CNTNAP5: variants seen among roughly 807,000 people sequenced by gnomAD.
The protein encoded by CNTNAP5 is contactin-associated protein-like 5.
In CNTNAP5, 72 loss-of-function variants were observed where a neutral mutation model predicts 150.2. The ratio of observed to expected loss-of-function variants is 0.48; its 90% CI spans 0.40 to 0.58. CNTNAP5 has a LOEUF of 0.58. Among genes scored for constraint, CNTNAP5 ranks in the 20% least tolerant of loss-of-function variants. CNTNAP5 has a pLI of 0.00. For missense variants in CNTNAP5, 1,636 were observed against 1,626.2 expected, an observed-to-expected ratio of 1.01 and a Z score of -0.10; for synonymous variants, 672 against 619.8, an observed-to-expected ratio of 1.08 and a Z score of -1.25.
chr2:124,674,546 T>TCTTCCTTTCTTCCTTTCTTC (rs1553430202), intron 13 of CNTNAP5, among the ~76,000 whole-genome samples: 3 of 130,224 alleles, frequency 2.3e-5, no homozygotes, highest in African/African-American at 9.1e-5. Flanking sequence ...TTTCTTTCTT[T>TCTTCCTTTCTTCCTTTCTTC]CTTTCTTCCT....
intron 10 of CNTNAP5, among the ~76,000 whole-genome samples, chr2:124,559,752 T>C (rs1004972667): frequency 6.6e-6 from 1 of 152,184 alleles, no homozygotes; most frequent in African/African-American, 2.4e-5. Context: ...GATTAAAGAA[T>C]GTGGAAATTA....
At chr2:124,062,579 AG>A (rs1191470098) in intron 1 of CNTNAP5, among the ~76,000 whole-genome samples, 2 of 152,140 alleles carry the variant, frequency 1.3e-5, no homozygotes, top group Non-Finnish European at 2.9e-5. Context: ...CCCCTACTCT[AG>A]TACCTATTAC....
At chr2:124,491,263 C>T (rs149417261) in intron 7 of CNTNAP5, among the ~76,000 whole-genome samples, 1 of 152,228 alleles carries the variant, frequency 6.6e-6, no homozygotes, top group African/African-American at 2.4e-5. Flanking sequence ...TTCTCTGCTC[C>T]TGTGAGCTTG....
chr2:124,655,753 T>C (rs897361308), intron 13 of CNTNAP5, among the ~76,000 whole-genome samples: 8 of 151,716 alleles, frequency 5.3e-5, no homozygotes, highest in Admixed American at 3.9e-4. Flanking sequence ...TTTAAAAAGT[T>C]ATCCAGGTGT....
At position 124,849,427 on chromosome 2, in the gene CNTNAP5, A is replaced by G. The variant is rs369739713; in HGVS notation, c.3218-15879A>G. Among the ~76,000 whole-genome samples, 139 of 152,220 alleles carry G rather than the reference A, an allele frequency of 9.1e-4. 1 individual carries two copies. Among genetic ancestry groups the G allele is most frequent in the Middle Eastern group, 3.4e-3 (1 of 294 alleles). On this transcript the variant is annotated intron_variant, in intron 19 of 23. Coordinates refer to ENST00000682447, the MANE Select transcript of CNTNAP5 (RefSeq NM_001367498.1). Reference sequence around the variant, plus strand: ...TCAGCATGGATAACATAAGCTTTTGATCACTATAGTTTTGTAATATAGCTA... The same window carrying G: ...TCAGCATGGATAACATAAGCTTTTGGTCACTATAGTTTTGTAATATAGCTA...
At chr2:124,079,629 G>A (rs1479582593) in intron 1 of CNTNAP5, among the ~76,000 whole-genome samples, 2 of 152,126 alleles carry the variant, frequency 1.3e-5, no homozygotes, top group East Asian at 3.8e-4. Flanking sequence ...AAATAAAATA[G>A]ATGAAAATAT....
intron 14 of CNTNAP5, among the ~76,000 whole-genome samples, chr2:124,763,173 C>T (rs1049940360): frequency 1.1e-4 from 16 of 151,970 alleles, no homozygotes; most frequent in African/African-American, 3.9e-4. Context: ...AGCAACGAAG[C>T]AGTAACTATA....
chr2:124,862,111 G>A (rs1274865881), intron 19 of CNTNAP5, among the ~76,000 whole-genome samples: 4 of 152,174 alleles, frequency 2.6e-5, no homozygotes, highest in Admixed American at 6.5e-5. Context: ...ATCACACCTA[G>A]CCCAGTTTTA....
intron 11 of CNTNAP5, among the ~76,000 whole-genome samples, chr2:124,597,208 T>C (rs1250980195): frequency 2.0e-5 from 3 of 149,222 alleles, no homozygotes; most frequent in Non-Finnish European, 4.5e-5. Flanking sequence ...GTGATTTTGC[T>C]CGTTAGTTGA....
rs3039130 is a variant in CNTNAP5 at position 124,510,348 on chromosome 2, AACACACACAC to A, written c.1327+5824_1327+5833del. 5.4e-3 allele frequency among the ~76,000 whole-genome samples: 370 copies of A among 68,280 alleles called. 3 individuals carry two copies. The highest frequency in any genetic ancestry group is 0.02 in the African/African-American group (321 of 16,136). The allele number at this position is 68,280 out of a possible 152,430, so 44.8% of individuals were successfully genotyped here. ...ATCTATATATATATCTCCATATGTC[AACACACACAC>A]ACACACACACACACACACACACACA... On this transcript the variant is annotated intron_variant, in intron 8 of 23. Coordinates refer to ENST00000682447, the MANE Select transcript of CNTNAP5 (RefSeq NM_001367498.1).
At chr2:124,306,407 C>T (rs186002245) in intron 3 of CNTNAP5, among the ~76,000 whole-genome samples, 208 of 152,206 alleles carry the variant, frequency 1.4e-3, no homozygotes, top group African/African-American at 4.6e-3. Context: ...GCAGTCTTTC[C>T]CCCCCAAATA....
At chr2:124,104,296 T>C (rs1203302377) in intron 1 of CNTNAP5, among the ~76,000 whole-genome samples, 2 of 152,118 alleles carry the variant, frequency 1.3e-5, no homozygotes, top group African/African-American at 4.8e-5. Flanking sequence ...CTACATTATT[T>C]TGAGGCAAAT....
At chr2:124,490,506 C>G (rs1188448929) in intron 7 of CNTNAP5, among the ~76,000 whole-genome samples, 3 of 151,986 alleles carry the variant, frequency 2.0e-5, no homozygotes, top group East Asian at 3.8e-4. Context: ...TTTCCACAAT[C>G]TCTTTGAACA....
intron 10 of CNTNAP5, among the ~76,000 whole-genome samples, chr2:124,531,895 G>T (rs1450417995): frequency 6.6e-6 from 1 of 152,206 alleles, no homozygotes; most frequent in Non-Finnish European, 1.5e-5. Flanking sequence ...CAGGAGCACA[G>T]ATTCAAGTTG....
intron 7 of CNTNAP5, among the ~76,000 whole-genome samples, chr2:124,484,325 T>G (rs1379393087): frequency 6.6e-6 from 1 of 152,228 alleles, no homozygotes; most frequent in African/African-American, 2.4e-5. Flanking sequence ...CCCTTTTATG[T>G]CACTCATGGT....
intron 12 of CNTNAP5, among the ~76,000 whole-genome samples, chr2:124,634,444 G>C (rs959044826): frequency 3.9e-5 from 6 of 152,082 alleles, no homozygotes; most frequent in African/African-American, 1.4e-4. Flanking sequence ...CTTTGCTCCA[G>C]TTCCTAATAA....
chr2:124,249,995 GTGTTTC>G (rs1687134398), intron 3 of CNTNAP5, among the ~76,000 whole-genome samples: 2 of 134,808 alleles, frequency 1.5e-5, no homozygotes. Context: ...GTGTGTGTAT[GTGTTTC>G]TTTGTTGTTG....
In CNTNAP5 at chr2:124,838,061, G is replaced by A. The variant is rs578005020; in HGVS notation, c.3218-27245G>A. The stretch of plus-strand genomic sequence containing the variant: ...GCTGACTAGTGATGATGATGATAAT[G>A]ATGATTCATTACCTTGATTCTTTGT... On this transcript the variant is annotated intron_variant, in intron 19 of 23. Coordinates refer to ENST00000682447, the MANE Select transcript of CNTNAP5 (RefSeq NM_001367498.1). Among the ~76,000 whole-genome samples the A allele has an allele frequency of 9.9e-5, 15 of 152,212 alleles. No homozygotes were observed. The South Asian group carries it at 3.1e-3, about 32-fold the overall frequency.
chr2:124,101,905 A>T (rs1464244403), intron 1 of CNTNAP5, among the ~76,000 whole-genome samples: 1 of 152,152 alleles, frequency 6.6e-6, no homozygotes, highest in Non-Finnish European at 1.5e-5. Flanking sequence ...CTTAATGTGG[A>T]TCAGTAGTTC....
Sources: gnomAD v4.1 joint callset for allele counts (sites outside exome capture counted in the v4.1 genomes callset) on GRCh38, gnomAD v4.1.1 for gene constraint, MANE v1.5 for transcripts, NCBI Gene and HGNC (gene_info 2026-07-23, HGNC 2026-07-21) for gene names.